ALDH3B1: variants seen among roughly 807,000 people sequenced by gnomAD.
The protein encoded by ALDH3B1 is aldehyde dehydrogenase 3 family member B1, also known as aldehyde dehydrogenase family 3 member B1.
A neutral mutation model predicts 46.2 loss-of-function variants in ALDH3B1; 37 were observed. That is an observed-to-expected ratio of 0.80 (90% CI 0.62 to 1.05). ALDH3B1 has a LOEUF of 1.05. Ranked by LOEUF, ALDH3B1 falls within the 50% of genes least tolerant of loss-of-function variation. ALDH3B1 has a pLI of 0.00. For missense variants in ALDH3B1, 603 were observed against 665.5 expected (o/e 0.91, Z 1.03); for synonymous variants, 283 against 281.0 (o/e 1.01, Z -0.07).
At chr11:68,017,218 G>T in intron 2 of ALDH3B1, 1 of 152,358 alleles carries the variant, frequency 6.6e-6, no homozygotes, top group Non-Finnish European at 1.5e-5. Flanking sequence ...TGGCGGGCAG[G>T]CCACCAGGCT....
intron 4 of ALDH3B1, 104 bp from the exon 5 acceptor site, chr11:68,019,066 G>A (rs1857424224): frequency 2.7e-6 from 4 of 1,469,878 alleles, no homozygotes; most frequent in Admixed American, 4.0e-5. Flanking sequence ...TCTGAACCAG[G>A]TTCTGCATCT....
chr11:68,013,534 T>C (rs1857277897), intron 1 of ALDH3B1, among the ~76,000 whole-genome samples: 1 of 152,154 alleles, frequency 6.6e-6, no homozygotes, highest in Non-Finnish European at 1.5e-5. Flanking sequence ...AGATAAATAT[T>C]TGCAGGCTAC....
intron 1 of ALDH3B1, 106 bp from the exon 2 acceptor site, chr11:68,015,190 CT>C: frequency 2.4e-6 from 3 of 1,243,972 alleles, no homozygotes; most frequent in Non-Finnish European, 3.2e-6. Context: ...CTGCAAGCCC[CT>C]GTGGGTGCAG....
In ALDH3B1 at chr11:68,012,077, G is replaced by A. The variant is rs372083024; in HGVS notation, c.-2+1685G>A. 8.0e-5 allele frequency among the ~76,000 whole-genome samples: 12 copies of A among 150,638 alleles called. No individual in the cohort carries two copies. In the East Asian group the frequency reaches 2.4e-3, roughly 30 times the overall value. ...CTTAGAAGGCCCATGGTGTAGATGA[G>A]GAAACTGAGGCAGGAAGAATGAGAG... On this transcript the variant is annotated intron_variant, in intron 1 of 9. Coordinates refer to ENST00000342456, the MANE Select transcript of ALDH3B1 (RefSeq NM_000694.4).
At chr11:68,019,649 C>A in intron 5 of ALDH3B1, 66 bp from the exon 6 acceptor site, 1 of 1,556,056 alleles carries the variant, frequency 6.4e-7, no homozygotes, top group Non-Finnish European at 8.8e-7. Flanking sequence ...CCAGGCAGGG[C>A]GGGCTGCTCC....
intron 1 of ALDH3B1, among the ~76,000 whole-genome samples, chr11:68,011,207 C>T (rs1374899734): frequency 1.3e-5 from 2 of 152,146 alleles, no homozygotes; most frequent in Non-Finnish European, 2.9e-5. Context: ...AGTGAGAGCT[C>T]CCACCAGGCA....
chr11:68,021,421 G>C (rs1857488943), intron 6 of ALDH3B1, 64 bp from the exon 7 acceptor site: 1 of 1,559,176 alleles, frequency 6.4e-7, no homozygotes, highest in African/African-American at 1.4e-5. Context: ...GCGGGGCCGT[G>C]GGCTGGGCCA....
intron 1 of ALDH3B1, among the ~76,000 whole-genome samples, chr11:68,014,591 A>C (rs1857301179): frequency 6.6e-6 from 1 of 152,024 alleles, no homozygotes; most frequent in Non-Finnish European, 1.5e-5. Context: ...TCTCCCCCAC[A>C]GCTGTTTCTG....
chr11:68,026,146 G>A, intron 9 of ALDH3B1, 38 bp downstream of exon 9: 2 of 1,524,182 alleles, frequency 1.3e-6, no homozygotes, highest in Non-Finnish European at 1.8e-6. Context: ...TTACCATTTG[G>A]TCAAATTGCA....
intron 8 of ALDH3B1, among the ~76,000 whole-genome samples, chr11:68,025,646 C>T (rs547782624): frequency 6.6e-6 from 1 of 152,290 alleles, no homozygotes; most frequent in East Asian, 1.9e-4. Context: ...AGGCACATGA[C>T]ACCCCTCTCC....
intron 1 of ALDH3B1, among the ~76,000 whole-genome samples, chr11:68,011,141 A>T (rs1181484265): frequency 1.3e-5 from 2 of 152,242 alleles, no homozygotes; most frequent in Non-Finnish European, 2.9e-5. Context: ...GTTATAGATC[A>T]AATTGGCTTC....
At chr11:68,012,659 A>G (rs1857257953) in intron 1 of ALDH3B1, among the ~76,000 whole-genome samples, 1 of 152,158 alleles carries the variant, frequency 6.6e-6, no homozygotes, top group Non-Finnish European at 1.5e-5. Context: ...TCCAAACAGC[A>G]AGAGACCTCC....
intron 6 of ALDH3B1, among the ~76,000 whole-genome samples, chr11:68,020,697 G>GA (rs1187881753): frequency 6.6e-6 from 1 of 152,220 alleles, no homozygotes. Flanking sequence ...AGGAACCACA[G>GA]AGCCCAGGAA....
rs147792238 is a variant in ALDH3B1, at chr11:68,028,089, G to A, written c.*150G>A. ...AGCAGCGCCTGCCTCCTCCCTCCTG[G>A]GTCTTCCCTCTCCCTGCCTCAGCCT... On this transcript the variant is annotated 3_prime_UTR_variant, in exon 10 of 10. Transcript: ENST00000342456. 9.5e-7 allele frequency: 1 copy of A among 1,058,006 alleles called. No homozygotes were observed. The highest frequency in any genetic ancestry group is 2.4e-5 in the East Asian group (1 of 42,408). 65.5% of individuals were successfully genotyped at this position (1,058,006 alleles called of 1,614,324 possible).
At chr11:68,013,908 C>G (rs1409397096) in intron 1 of ALDH3B1, among the ~76,000 whole-genome samples, 1 of 152,228 alleles carries the variant, frequency 6.6e-6, no homozygotes, top group Admixed American at 6.5e-5. Context: ...TTCAGCCTGG[C>G]CCCACAATCA....
At chr11:68,019,942 C>A in intron 6 of ALDH3B1, 146 bp downstream of exon 6, 1 of 873,768 alleles carries the variant, frequency 1.1e-6, no homozygotes, top group Non-Finnish European at 1.8e-6. Context: ...TCCTGGACCC[C>A]CAGGACCCCT....
chr11:68,024,320 G>C (rs1046405298), intron 8 of ALDH3B1: 4 of 152,246 alleles, frequency 2.6e-5, no homozygotes, highest in Non-Finnish European at 5.9e-5. Context: ...GTATCTGCCA[G>C]GGTTTCCCTG....
At chr11:68,024,440 GTTA>G (rs2134399096) in intron 8 of ALDH3B1, 1 of 152,344 alleles carries the variant, frequency 6.6e-6, no homozygotes, top group South Asian at 2.1e-4. Context: ...CATATTGTTA[GTTA>G]TTATCTAGTT....
chr11:68,025,552 C>T (rs1857601068), intron 8 of ALDH3B1, among the ~76,000 whole-genome samples: 1 of 152,282 alleles, frequency 6.6e-6, no homozygotes, highest in Middle Eastern at 3.4e-3. Context: ...TGTGTTCACA[C>T]CACACAGCTC....
Sources: gnomAD v4.1 joint callset for allele counts (sites outside exome capture counted in the v4.1 genomes callset) on GRCh38, gnomAD v4.1.1 for gene constraint, MANE v1.5 for transcripts, NCBI Gene and HGNC (gene_info 2026-07-23, HGNC 2026-07-21) for gene names.